KDM3B: variants seen among roughly 807,000 people sequenced by gnomAD.
The protein encoded by KDM3B is lysine demethylase 3B.
A neutral mutation model predicts 170.0 loss-of-function variants in KDM3B; 10 were observed. That is an observed-to-expected ratio of 0.06 (90% CI 0.04 to 0.10). The LOEUF (loss-of-function observed/expected upper bound fraction) is 0.10, where lower values mean the gene tolerates loss of function less well. Among genes scored for constraint, KDM3B ranks in the 10% least tolerant of loss-of-function variants. The pLI is 1.00. For synonymous variants in KDM3B, 831 were observed against 834.8 expected, an observed-to-expected ratio of 1.00 and a Z score of 0.08; for missense variants, 1,394 against 2,195.2, an observed-to-expected ratio of 0.64 and a Z score of 7.29.
chr5:138,407,353 T>G (rs1056967591), intron 11 of KDM3B, among the ~76,000 whole-genome samples: 8 of 152,050 alleles, frequency 5.3e-5, no homozygotes, highest in Non-Finnish European at 1.2e-4. Context: ...CCATCAAAAT[T>G]CCCTCGAGAA....
intron 1 of KDM3B, among the ~76,000 whole-genome samples, chr5:138,358,723 T>G (rs1214286404): frequency 6.6e-6 from 1 of 152,060 alleles, no homozygotes; most frequent in Non-Finnish European, 1.5e-5. Context: ...GCTTCCTGAT[T>G]AGCTGGGACT....
chr5:138,418,091 T>TC, intron 13 of KDM3B: 1 of 150,732 alleles, frequency 6.6e-6, no homozygotes, highest in South Asian at 2.1e-4. Context: ...TTTTTTTTTT[T>TC]TTTTTTCAGA....
intron 23 of KDM3B, among the ~76,000 whole-genome samples, chr5:138,434,687 T>C (rs914683804): frequency 2.0e-5 from 3 of 149,646 alleles, no homozygotes; most frequent in Non-Finnish European, 4.4e-5. Context: ...GATACAGATA[T>C]AGATATATTT....
intron 12 of KDM3B, among the ~76,000 whole-genome samples, chr5:138,416,851 C>T (rs1763119329): frequency 6.6e-6 from 1 of 152,078 alleles, no homozygotes; most frequent in African/African-American, 2.4e-5. Context: ...GACGGAGTCT[C>T]ACCCTGTTGC....
At chr5:138,385,594 A>G (rs916001390) in intron 6 of KDM3B, among the ~76,000 whole-genome samples, 1 of 152,234 alleles carries the variant, frequency 6.6e-6, no homozygotes, top group Non-Finnish European at 1.5e-5. Context: ...TGGTTAGAGA[A>G]GATGTCCTAT....
At chr5:138,387,813 A>G (rs548163959) in intron 7 of KDM3B, among the ~76,000 whole-genome samples, 12 of 152,240 alleles carry the variant, frequency 7.9e-5, no homozygotes, top group South Asian at 6.2e-4. Context: ...CAGGCACAGT[A>G]GCTCACACCT....
chr5:138,417,452 T>G, intron 12 of KDM3B, 31 bp from the exon 13 acceptor site: 1 of 1,608,768 alleles, frequency 6.2e-7, no homozygotes, highest in Non-Finnish European at 8.5e-7. Flanking sequence ...AGTATTCTGG[T>G]GTTATTTTTA....
At chr5:138,382,766 A>AGCC (rs1394835770) in intron 6 of KDM3B, among the ~76,000 whole-genome samples, 1 of 152,052 alleles carries the variant, frequency 6.6e-6, no homozygotes, top group Admixed American at 6.6e-5. Flanking sequence ...GACAGGCATG[A>AGCC]GCCACTGCAC....
At chr5:138,399,549 T>C (rs1011170270) in intron 10 of KDM3B, among the ~76,000 whole-genome samples, 7 of 151,698 alleles carry the variant, frequency 4.6e-5, no homozygotes, top group African/African-American at 1.7e-4. Flanking sequence ...AAAAAATATA[T>C]ATATATATTT....
intron 3 of KDM3B, among the ~76,000 whole-genome samples, chr5:138,376,052 C>T (rs1761991602): frequency 6.6e-6 from 1 of 152,128 alleles, no homozygotes; most frequent in South Asian, 2.1e-4. Context: ...TCTCGCCTCA[C>T]TGCAACGTCC....
chr5:138,399,479 A>G (rs1341974267), intron 10 of KDM3B, among the ~76,000 whole-genome samples: 1 of 151,886 alleles, frequency 6.6e-6, no homozygotes, highest in African/African-American at 2.4e-5. Context: ...CGGAGCTTGC[A>G]GTGAGCCAAG....
chr5:138,384,777 G>T (rs1762215412), intron 6 of KDM3B, among the ~76,000 whole-genome samples: 2 of 149,934 alleles, frequency 1.3e-5, no homozygotes. Context: ...AGCCGGATGT[G>T]GTGGCACACA....
chr5:138,372,046 G>T (rs534961996), intron 1 of KDM3B, among the ~76,000 whole-genome samples: 1 of 152,244 alleles, frequency 6.6e-6, no homozygotes, highest in East Asian at 1.9e-4. Flanking sequence ...CCAGGATGTG[G>T]AGGTTGCAGT....
chr5:138,354,269 A>G (rs1053315436), intron 1 of KDM3B, among the ~76,000 whole-genome samples: 5 of 152,148 alleles, frequency 3.3e-5, no homozygotes, highest in African/African-American at 7.2e-5. Context: ...GGACATTTAT[A>G]AGGCCTCAGT....
At chr5:138,367,901 T>C (rs1450584961) in intron 1 of KDM3B, among the ~76,000 whole-genome samples, 1 of 151,944 alleles carries the variant, frequency 6.6e-6, no homozygotes, top group Non-Finnish European at 1.5e-5. Context: ...TAGTCCCAGC[T>C]ACTCAGAAGG....
At chr5:138,382,998 T>C (rs3822837) in intron 6 of KDM3B, among the ~76,000 whole-genome samples, 36,495 of 152,066 alleles carry the variant, frequency 0.24, 4,884 homozygotes, top group East Asian at 0.56. Context: ...GGTCTCAATG[T>C]TGTAGGCTGC....
chr5:138,430,538 T>C (rs1195546991), intron 22 of KDM3B, 113 bp downstream of exon 22: 22 of 930,844 alleles, frequency 2.4e-5, no homozygotes, highest in Non-Finnish European at 3.2e-5. Flanking sequence ...ATCTCTCTTA[T>C]GCTGCAACTT....
rs181005843 is a variant in KDM3B, at chr5:138,391,168, A to G, written c.1536A>G (p.Ala512=). ...GCTTCTCTTTTGGCTGTAGCTCTGC[A>G]CAAGAGGCACAGAAAGACACTGATC... The part of the protein sequence containing the change: ...PLGFSFGCSS[A]QEAQKDTDLS... The change falls in exon 8 of 24, where the codon GCA becomes GCG. Residue 512 remains alanine, a synonymous_variant. Coordinates refer to ENST00000314358, the MANE Select transcript of KDM3B (RefSeq NM_016604.4). The surrounding 1 kb of genome is among the most constrained non-coding windows in gnomAD (Gnocchi z 5.0). 84 of 1,614,182 alleles carry G rather than the reference A, an allele frequency of 5.2e-5. No homozygotes were observed. The Admixed American group carries it at 1.1e-3, about 20-fold the overall frequency.
chr5:138,390,501 C>T (rs1488501058), intron 7 of KDM3B, among the ~76,000 whole-genome samples: 2 of 152,138 alleles, frequency 1.3e-5, no homozygotes, highest in African/African-American at 4.8e-5. Context: ...TTTTCTTTAA[C>T]GTGCAGTAGG....
Sources: allele counts gnomAD v4.1 joint callset (sites outside exome capture counted in the v4.1 genomes callset), GRCh38; gene constraint gnomAD v4.1.1; non-coding constraint Gnocchi (gnomAD v3.1); transcripts MANE v1.5; gene names NCBI Gene and HGNC (gene_info 2026-07-23, HGNC 2026-07-21).